Variants in MED12L observed in about 807,000 individuals in gnomAD.
MED12L encodes mediator of RNA polymerase II transcription subunit 12-like protein.
MED12L carries 60 observed loss-of-function variants against 281.3 expected under a neutral mutation model. The observed-to-expected ratio is 0.21, with a 90% CI of 0.17 to 0.26. The LOEUF is 0.26. Among genes scored for constraint, MED12L ranks in the 10% least tolerant of loss-of-function variants. MED12L has a pLI of 1.00. For synonymous variants in MED12L, 974 were observed against 987.2 expected, an observed-to-expected ratio of 0.99 and a Z score of 0.25; for missense variants, 2,146 against 2,680.9, an observed-to-expected ratio of 0.80 and a Z score of 4.41.
chr3:151,348,215 A>C (rs1379144595), intron 16 of MED12L, among the ~76,000 whole-genome samples: 1 of 152,052 alleles, frequency 6.6e-6, no homozygotes, highest in African/African-American at 2.4e-5. Context: ...CATTAGGACC[A>C]TCTGATATGC....
intron 2 of MED12L, among the ~76,000 whole-genome samples, chr3:151,099,174 G>A (rs138521407): frequency 6.6e-6 from 1 of 152,246 alleles, no homozygotes; most frequent in African/African-American, 2.4e-5. Context: ...CCATATCAAG[G>A]GGTGAATTTA....
At chr3:151,208,023 A>G (rs2149191796) in intron 16 of MED12L, among the ~76,000 whole-genome samples, 1 of 152,338 alleles carries the variant, frequency 6.6e-6, no homozygotes, top group South Asian at 2.1e-4. Flanking sequence ...GTCATTAACC[A>G]GAACATTCTG....
chr3:151,377,262 T>G, intron 30 of MED12L, 84 bp downstream of exon 30: 1 of 1,099,410 alleles, frequency 9.1e-7, no homozygotes, highest in Non-Finnish European at 1.3e-6. Context: ...GATTTTTCTT[T>G]AAGTCATAGG....
At chr3:151,135,817 A>G (rs1716062199) in intron 5 of MED12L, among the ~76,000 whole-genome samples, 1 of 152,230 alleles carries the variant, frequency 6.6e-6, no homozygotes, top group Admixed American at 6.5e-5. Flanking sequence ...GAACAGGAGG[A>G]GCAAAGCAAA....
chr3:151,344,659 T>G (rs543555673), intron 16 of MED12L, among the ~76,000 whole-genome samples: 12 of 152,304 alleles, frequency 7.9e-5, no homozygotes, highest in Non-Finnish European at 1.5e-4. Context: ...TAGGAAGTAC[T>G]GGGAAGTATG....
chr3:151,162,777 T>C (rs1210805615), intron 8 of MED12L, among the ~76,000 whole-genome samples: 1 of 152,134 alleles, frequency 6.6e-6, no homozygotes, highest in Non-Finnish European at 1.5e-5. Flanking sequence ...GAAAAAAAAT[T>C]TGCTGTTGAA....
chr3:151,385,046 A>G lies in MED12L; in HGVS notation c.4943A>G (p.Lys1648Arg), dbSNP rs1397795009. ...VKKLKKELGD[K>R]RSESIDKVRQ... ...TTTCTTTAGAAAGAGCTAGGAGACA[A>G]GCGATCAGAAAGTATTGACAAAGTT... The change falls in exon 36 of 45, where the codon AAG becomes AGG. Residue 1648 changes from lysine (K) to arginine (R), a missense_variant. Physicochemically the swap from Lys to Arg is conservative, Grantham distance 26 (BLOSUM62 2). Coordinates refer to ENST00000687756, the MANE Select transcript of MED12L (RefSeq NM_001393769.1). 3 of 1,555,390 alleles carry G rather than the reference A, an allele frequency of 1.9e-6. No individual in the cohort carries two copies. Among genetic ancestry groups the G allele is most frequent in the African/African-American group, 1.4e-5 (1 of 73,730 alleles).
At chr3:151,393,849 CT>C (rs1170282296) in intron 38 of MED12L, among the ~76,000 whole-genome samples, 1 of 152,036 alleles carries the variant, frequency 6.6e-6, no homozygotes, top group East Asian at 1.9e-4. Flanking sequence ...CATCATACAC[CT>C]TGCTTTATAG....
At position 151,434,694 on chromosome 3, in the gene MED12L, T is replaced by A. The variant is rs1719899151; in HGVS notation, c.*1890T>A. 6.6e-6 allele frequency: 1 copy of A among 152,202 alleles called. No individual in the cohort carries two copies. Among genetic ancestry groups the A allele is most frequent in the African/African-American group, 2.4e-5 (1 of 41,444 alleles). 9.4% of individuals were successfully genotyped at this position (152,202 alleles called of 1,614,324 possible). A position where few individuals can be genotyped will look rare whatever the true frequency, so the allele number is the denominator to read the frequency against. On this transcript the variant is annotated 3_prime_UTR_variant, in exon 45 of 45. Coordinates refer to ENST00000687756, the MANE Select transcript of MED12L (RefSeq NM_001393769.1). ...GTGAATGTTGTGCCTAGTGAGTGAGTCATGTTCCATCATTATTTCTTTCCA... is the reference window on the plus strand; with the variant it reads ...GTGAATGTTGTGCCTAGTGAGTGAGACATGTTCCATCATTATTTCTTTCCA...
At chr3:151,428,845 T>C (rs1246482967) in intron 43 of MED12L, among the ~76,000 whole-genome samples, 1 of 152,236 alleles carries the variant, frequency 6.6e-6, no homozygotes, top group African/African-American at 2.4e-5. Context: ...ATATTTGTCA[T>C]GTGCAATATT....
rs1720016189 is a variant in MED12L, at chr3:151,435,274, A to C, written c.*2470A>C. The C allele has an allele frequency of 6.6e-6, 1 of 152,142 alleles. No individual in the cohort carries two copies. Among genetic ancestry groups the C allele is most frequent in the South Asian group, 2.1e-4 (1 of 4,822 alleles). The allele number at this position is 152,142 out of a possible 1,614,324, so 9.4% of individuals were successfully genotyped here. A position where few individuals can be genotyped will look rare whatever the true frequency, so the allele number is the denominator to read the frequency against. ...CCTATCAATCAATCACAGTTCTTGG[A>C]TATAAGAAGCCCATAGACTCTCTTG... is the stretch of plus-strand genomic sequence containing the variant. On this transcript the variant is annotated 3_prime_UTR_variant, in exon 45 of 45. Transcript: ENST00000687756.
At chr3:151,346,025 A>G (rs1014380395) in intron 16 of MED12L, among the ~76,000 whole-genome samples, 1 of 152,058 alleles carries the variant, frequency 6.6e-6, no homozygotes, top group Non-Finnish European at 1.5e-5. Flanking sequence ...CCAGCTCACT[A>G]CGTGCTGCTT....
At chr3:151,209,158 A>G (rs1159223482) in intron 16 of MED12L, among the ~76,000 whole-genome samples, 1 of 152,198 alleles carries the variant, frequency 6.6e-6, no homozygotes, top group East Asian at 1.9e-4. Flanking sequence ...CTGTTTATTG[A>G]GGTGGGCCTA....
chr3:151,357,490 C>T (rs1754071854), intron 20 of MED12L, 114 bp downstream of exon 20: 4 of 936,396 alleles, frequency 4.3e-6, no homozygotes, highest in African/African-American at 1.7e-5. Flanking sequence ...TTAGTTAAAA[C>T]ATGGTTAAAG....
intron 17 of MED12L, among the ~76,000 whole-genome samples, chr3:151,353,113 T>G (rs991495826): frequency 2.0e-5 from 3 of 152,106 alleles, no homozygotes; most frequent in Non-Finnish European, 4.4e-5. Context: ...ATAAATGGAG[T>G]CCATTAACAC....
chr3:151,094,408 A>G (rs923761438), intron 2 of MED12L, among the ~76,000 whole-genome samples: 1 of 152,206 alleles, frequency 6.6e-6, no homozygotes, highest in Non-Finnish European at 1.5e-5. Context: ...CTTGGAGAAA[A>G]GCTAACTTCA....
At chr3:151,165,659 T>G in intron 10 of MED12L, 140 bp downstream of exon 10, 1 of 923,128 alleles carries the variant, frequency 1.1e-6, no homozygotes, top group Non-Finnish European at 1.7e-6. Flanking sequence ...ATCTTCAGTT[T>G]ATGCCTTTTA....
At chr3:151,114,786 G>T (rs1712474339) in intron 2 of MED12L, among the ~76,000 whole-genome samples, 1 of 151,460 alleles carries the variant, frequency 6.6e-6, no homozygotes, top group South Asian at 2.1e-4. Context: ...AAAGCCTTGG[G>T]TTATTTTTGA....
At chr3:151,143,825 T>C (rs1352232544) in intron 5 of MED12L, among the ~76,000 whole-genome samples, 1 of 152,208 alleles carries the variant, frequency 6.6e-6, no homozygotes, top group Admixed American at 6.5e-5. Flanking sequence ...GTAAAACTCA[T>C]GACTTGGTGT....
Sources: gnomAD v4.1 joint callset for allele counts (sites outside exome capture counted in the v4.1 genomes callset) on GRCh38, gnomAD v4.1.1 for gene constraint, MANE v1.5 for transcripts, NCBI Gene and HGNC (gene_info 2026-07-23, HGNC 2026-07-21) for gene names.